GPC5: variants seen among roughly 807,000 people sequenced by gnomAD.
The protein encoded by GPC5 is glypican-5.
A neutral mutation model predicts 53.9 loss-of-function variants in GPC5; 47 were observed. The ratio of observed to expected loss-of-function variants is 0.87; its 90% CI spans 0.69 to 1.11. The LOEUF (loss-of-function observed/expected upper bound fraction) is 1.11. Ranked by LOEUF, GPC5 falls within the 50% of genes most tolerant of loss-of-function variation. GPC5 has a pLI of 0.00. For synonymous variants in GPC5, 286 were observed against 263.3 expected, an observed-to-expected ratio of 1.09 and a Z score of -0.84; for missense variants, 748 against 713.1, an observed-to-expected ratio of 1.05 and a Z score of -0.56.
intron 7 of GPC5, among the ~76,000 whole-genome samples, chr13:92,310,415 T>C (rs1398239562): frequency 6.6e-6 from 1 of 152,204 alleles, no homozygotes; most frequent in Non-Finnish European, 1.5e-5. Flanking sequence ...TTTATTTCTT[T>C]ATATCCACCA....
intron 7 of GPC5, among the ~76,000 whole-genome samples, chr13:92,244,673 T>C (rs1387647511): frequency 2.0e-5 from 3 of 152,178 alleles, no homozygotes; most frequent in African/African-American, 4.8e-5. Context: ...CATTTATACA[T>C]GTAACATTTT....
chr13:92,466,518 G>A (rs1878697280), intron 7 of GPC5, among the ~76,000 whole-genome samples: 1 of 151,800 alleles, frequency 6.6e-6, no homozygotes, highest in African/African-American at 2.4e-5. Context: ...GGTTTACAAT[G>A]TATCACTTGA....
At chr13:92,795,536 G>C (rs749515374) in intron 7 of GPC5, among the ~76,000 whole-genome samples, 5 of 152,042 alleles carry the variant, frequency 3.3e-5, no homozygotes, top group Admixed American at 6.6e-5. Flanking sequence ...AGACTAATGG[G>C]ATCTAATTAA....
intron 2 of GPC5, among the ~76,000 whole-genome samples, chr13:91,498,396 C>A (rs1432223813): frequency 6.6e-6 from 1 of 152,034 alleles, no homozygotes; most frequent in South Asian, 2.1e-4. Context: ...GAGAAAAAAG[C>A]AACCTGTCTT....
At chr13:91,800,626 A>G (rs531148844) in intron 5 of GPC5, among the ~76,000 whole-genome samples, 29 of 152,250 alleles carry the variant, frequency 1.9e-4, no homozygotes, top group African/African-American at 7.0e-4. Flanking sequence ...TAATATGCTT[A>G]ATCTCTTTTG....
chr13:92,146,324 G>A (rs2041867204), intron 7 of GPC5, among the ~76,000 whole-genome samples: 1 of 151,868 alleles, frequency 6.6e-6, no homozygotes, highest in African/African-American at 2.4e-5. Flanking sequence ...AGAAAATAAA[G>A]ACAATGTATT....
intron 2 of GPC5, among the ~76,000 whole-genome samples, chr13:91,679,970 G>A (rs951788989): frequency 1.3e-5 from 2 of 151,820 alleles, no homozygotes; most frequent in Admixed American, 1.3e-4. Flanking sequence ...TGACAGGCAA[G>A]CTATGGTAAT....
chr13:91,968,648 A>G (rs113053331), intron 6 of GPC5, among the ~76,000 whole-genome samples: 3,595 of 151,788 alleles, frequency 0.024, 143 homozygotes, highest in African/African-American at 0.082. Flanking sequence ...TTTTAGTAGA[A>G]GTGGGGTTTC....
intron 2 of GPC5, among the ~76,000 whole-genome samples, chr13:91,579,741 G>A (rs1396052424): frequency 6.9e-5 from 10 of 145,862 alleles, no homozygotes; most frequent in Non-Finnish European, 1.5e-4. Context: ...AAATTCTCCT[G>A]CCTCAGCCTC....
At chr13:92,808,875 C>T (rs1447522681) in intron 7 of GPC5, among the ~76,000 whole-genome samples, 6 of 152,018 alleles carry the variant, frequency 3.9e-5, no homozygotes, top group Non-Finnish European at 8.8e-5. Context: ...TATTTAACTC[C>T]AATATTACTT....
chr13:91,567,691 G>A (rs899374436), intron 2 of GPC5, among the ~76,000 whole-genome samples: 6 of 152,156 alleles, frequency 3.9e-5, no homozygotes, highest in African/African-American at 1.2e-4. Context: ...GTTGTTTGTC[G>A]AAGTCTGTTG....
chr13:92,720,986 C>T (rs1001030202), intron 7 of GPC5, among the ~76,000 whole-genome samples: 1 of 151,990 alleles, frequency 6.6e-6, no homozygotes, highest in African/African-American at 2.4e-5. Context: ...AGTGTTTTCT[C>T]TCTCTGTATA....
chr13:92,821,395 G>T, intron 7 of GPC5, among the ~76,000 whole-genome samples: 1 of 152,048 alleles, frequency 6.6e-6, no homozygotes, highest in East Asian at 1.9e-4. Context: ...TGTATACTTC[G>T]CAAGTCAACA....
chr13:91,803,803 C>T lies in GPC5; in HGVS notation c.1280+47383C>T, dbSNP rs72647258. On this transcript the variant is annotated intron_variant, in intron 5 of 7. Coordinates refer to ENST00000377067, the MANE Select transcript of GPC5 (RefSeq NM_004466.6). ...ACAGACACACACACACACACACACA[C>T]ACAGAGGAAAAGAGATGAGATAAGA... Among the ~76,000 whole-genome samples, 125 of 150,112 alleles carry T rather than the reference C, an allele frequency of 8.3e-4. 1 individual carries two copies. Among genetic ancestry groups the T allele is most frequent in the South Asian group, 5.8e-3 (27 of 4,666 alleles).
At chr13:92,519,191 A>G (rs1880923291) in intron 7 of GPC5, among the ~76,000 whole-genome samples, 1 of 152,158 alleles carries the variant, frequency 6.6e-6, no homozygotes, top group Admixed American at 6.5e-5. Context: ...AGACTTTAAC[A>G]CCCCACTGTC....
intron 2 of GPC5, among the ~76,000 whole-genome samples, chr13:91,568,173 T>C (rs775375132): frequency 6.6e-6 from 1 of 152,186 alleles, no homozygotes; most frequent in Non-Finnish European, 1.5e-5. Flanking sequence ...CAGCCTCAGA[T>C]AGTATGTTTA....
chr13:91,762,628 T>C (rs550388844), intron 5 of GPC5, among the ~76,000 whole-genome samples: 2 of 151,932 alleles, frequency 1.3e-5, no homozygotes, highest in African/African-American at 4.8e-5. Flanking sequence ...ATCCAATCAG[T>C]TTCTCATATC....
intron 5 of GPC5, among the ~76,000 whole-genome samples, chr13:91,897,504 T>A (rs577563058): frequency 6.6e-6 from 1 of 152,258 alleles, no homozygotes; most frequent in South Asian, 2.1e-4. Flanking sequence ...GTGTTCATAA[T>A]GAAAGCTACA....
At chr13:91,769,585 T>C (rs2037584695) in intron 5 of GPC5, among the ~76,000 whole-genome samples, 2 of 152,172 alleles carry the variant, frequency 1.3e-5, no homozygotes, top group Admixed American at 6.5e-5. Context: ...TCATGCTTCA[T>C]GTGTCTAAGG....
Sources: gnomAD v4.1 joint callset for allele counts (sites outside exome capture counted in the v4.1 genomes callset) on GRCh38, gnomAD v4.1.1 for gene constraint, MANE v1.5 for transcripts, NCBI Gene and HGNC (gene_info 2026-07-23, HGNC 2026-07-21) for gene names.